The following CDC23 variants were observed in gnomAD, a reference collection of about 807,000 sequenced individuals.
CDC23 encodes the protein cell division cycle 23.
Under a neutral mutation model 81.7 loss-of-function variants are expected in CDC23, and 26 were observed. The ratio of observed to expected loss-of-function variants is 0.32; its 90% confidence interval spans 0.23 to 0.44. The LOEUF (loss-of-function observed/expected upper bound fraction) is 0.44, where lower values mean the gene tolerates loss of function less well. Ranked by LOEUF, CDC23 falls within the 20% of genes least tolerant of loss-of-function variation. CDC23 has a pLI of 1.00. For synonymous variants in CDC23, 267 were observed against 270.8 expected (o/e 0.99, Z 0.14); for missense variants, 519 against 728.0 (o/e 0.71, Z 3.30).
rs775772524 is a variant in CDC23 at position 138,192,322 on chromosome 5, G to A, written c.1233C>T (p.Ile411=). The A allele has an allele frequency of 1.6e-5, 26 of 1,614,072 alleles. No individual in the cohort carries two copies. Among genetic ancestry groups the A allele is most frequent in the Non-Finnish European group, 2.2e-5 (26 of 1,180,044 alleles). ...AAAGGCAGTAAAATGGCATCTTAAG[G>A]ATTTCATAGGTCTGCCCGAGGCCAT... ...AWYGLGQTYE[I]LKMPFYCLYY... The change falls in exon 11 of 16, where the codon ATC becomes ATT. Residue 411 remains isoleucine (I), a synonymous_variant. Coordinates refer to ENST00000394886, the MANE Select transcript of CDC23 (RefSeq NM_004661.4).
intron 2 of CDC23, among the ~76,000 whole-genome samples, 161 bp downstream of exon 2, chr5:138,212,830 T>G (rs1755129471): frequency 6.6e-6 from 1 of 152,184 alleles, no homozygotes; most frequent in Non-Finnish European, 1.5e-5. Context: ...GAAAACTAAA[T>G]GGATAAAATC....
At chr5:138,199,406 T>C (rs964899530) in intron 6 of CDC23, among the ~76,000 whole-genome samples, 1 of 152,072 alleles carries the variant, frequency 6.6e-6, no homozygotes, top group East Asian at 1.9e-4. Flanking sequence ...ACACCAGCCC[T>C]GACAAGAGAG....
intron 3 of CDC23, 148 bp from the exon 4 acceptor site, chr5:138,202,303 C>A: frequency 1.6e-6 from 1 of 613,478 alleles, no homozygotes. Flanking sequence ...TTATTTGAGA[C>A]AGTCTCACTT....
intron 2 of CDC23, among the ~76,000 whole-genome samples, chr5:138,212,713 G>C (rs1188937980): frequency 2.0e-5 from 3 of 152,116 alleles, no homozygotes; most frequent in African/African-American, 7.2e-5. Context: ...GCACTCTTAT[G>C]TCTAGGTTTG....
chr5:138,208,489 T>C (rs920789489), intron 2 of CDC23, among the ~76,000 whole-genome samples: 1 of 152,138 alleles, frequency 6.6e-6, no homozygotes, highest in Non-Finnish European at 1.5e-5. Flanking sequence ...GCATTATGCC[T>C]TTTTGAGTAA....
rs779153774 is a variant in CDC23, at chr5:138,198,204, A to G, written c.1007T>C (p.Val336Ala). The G allele has an allele frequency of 6.2e-7, 1 of 1,607,800 alleles. No individual in the cohort carries two copies. The highest frequency in any genetic ancestry group is 8.5e-7 in the Non-Finnish European group (1 of 1,174,752). The change falls in exon 9 of 16, where the codon GTA (valine) becomes GCA (alanine). Residue 336 changes from valine (V) to alanine (A), a missense_variant. By Grantham distance (64) the Val-to-Ala change is moderately conservative. Coordinates refer to ENST00000394886, the MANE Select transcript of CDC23 (RefSeq NM_004661.4). ...IDKYRVETCC[V>A]IGNYYSLRSQ... ...AAAATGTAGTTAATTCTTACCAATT[A>G]CACAGCACGTTTCTACACGATATTT...
chr5:138,196,694 C>T (rs1191858337), intron 9 of CDC23, among the ~76,000 whole-genome samples: 1 of 151,818 alleles, frequency 6.6e-6, no homozygotes, highest in Admixed American at 6.6e-5. Flanking sequence ...CATTCTCCTG[C>T]CTCAGCCTCC....
At chr5:138,202,642 G>A (rs1755002070) in intron 3 of CDC23, among the ~76,000 whole-genome samples, 1 of 152,144 alleles carries the variant, frequency 6.6e-6, no homozygotes, top group African/African-American at 2.4e-5. Context: ...AGTTATCTGA[G>A]CACCAAAATA....
At chr5:138,209,547 G>A (rs1258269126) in intron 2 of CDC23, among the ~76,000 whole-genome samples, 2 of 151,330 alleles carry the variant, frequency 1.3e-5, no homozygotes, top group African/African-American at 4.9e-5. Context: ...TAAGCAAGCC[G>A]GGTGTGGTGG....
At chr5:138,211,586 C>A (rs2126591635) in intron 2 of CDC23, among the ~76,000 whole-genome samples, 2 of 152,044 alleles carry the variant, frequency 1.3e-5, no homozygotes. Context: ...TTGCTTGAAC[C>A]CGGGAGGCAG....
At chr5:138,199,442 AAGAG>A (rs1452479300) in intron 6 of CDC23, among the ~76,000 whole-genome samples, 1 of 152,204 alleles carries the variant, frequency 6.6e-6, no homozygotes, top group African/African-American at 2.4e-5. Flanking sequence ...ACAAACAAAA[AAGAG>A]AAAGAAATAG....
intron 3 of CDC23, among the ~76,000 whole-genome samples, chr5:138,205,680 T>G (rs1391650832): frequency 6.8e-6 from 1 of 146,528 alleles, no homozygotes; most frequent in African/African-American, 2.5e-5. Context: ...TTTAAAAATG[T>G]TAAAATGGTA....
At chr5:138,197,268 C>T (rs1227953595) in intron 9 of CDC23, among the ~76,000 whole-genome samples, 3 of 137,342 alleles carry the variant, frequency 2.2e-5, no homozygotes, top group Admixed American at 1.5e-4. Flanking sequence ...GGCGCCACTG[C>T]ACTCCAGCCT....
At chr5:138,195,425 C>T (rs959079851) in intron 9 of CDC23, among the ~76,000 whole-genome samples, 1 of 146,282 alleles carries the variant, frequency 6.8e-6, no homozygotes, top group Admixed American at 7.3e-5. Flanking sequence ...GTATCTAAAC[C>T]AGAATTTAAA....
chr5:138,195,768 A>T (rs1253187175), intron 9 of CDC23, among the ~76,000 whole-genome samples: 2 of 118,896 alleles, frequency 1.7e-5, no homozygotes, highest in Non-Finnish European at 3.3e-5. Flanking sequence ...CATATATTAT[A>T]TATGTGTATA....
rs757264804 is a variant in CDC23, at chr5:138,198,441, G to A, written c.915C>T (p.Asn305=). Residue 305 remains asparagine, a synonymous_variant, in exon 8 of 16, where the codon AAC becomes AAT. Coordinates refer to ENST00000394886, the MANE Select transcript of CDC23 (RefSeq NM_004661.4). The part of the protein sequence containing the change: ...YRIENMDTFS[N]LLYVRSMKSE... ...AGCAGCTCACCCTGACATAAAGAAG[G>A]TTGGAGAATGTGTCCATATTTTCAA... 1 of 1,613,960 alleles carries A rather than the reference G, an allele frequency of 6.2e-7. No homozygotes were observed. The highest frequency in any genetic ancestry group is 8.5e-7 in the Non-Finnish European group (1 of 1,179,886).
At chr5:138,192,951 A>G (rs1754842852) in intron 9 of CDC23, among the ~76,000 whole-genome samples, 1 of 152,142 alleles carries the variant, frequency 6.6e-6, no homozygotes, top group Non-Finnish European at 1.5e-5. Context: ...TTTTTCTGAG[A>G]CAAAGTCTTG....
At chr5:138,197,295 C>A (rs1754924429) in intron 9 of CDC23, among the ~76,000 whole-genome samples, 1 of 118,098 alleles carries the variant, frequency 8.5e-6, no homozygotes, top group South Asian at 3.1e-4. Context: ...CAGAGCGAGA[C>A]TCTGTCACCA....
At chr5:138,202,885 AT>A (rs1755004546) in intron 3 of CDC23, among the ~76,000 whole-genome samples, 1 of 152,202 alleles carries the variant, frequency 6.6e-6, no homozygotes, top group Admixed American at 6.5e-5. Flanking sequence ...TTAGAGAAAA[AT>A]TTGTATGAGG....
Sources: allele counts gnomAD v4.1 joint callset (sites outside exome capture counted in the v4.1 genomes callset), GRCh38; gene constraint gnomAD v4.1.1; transcripts MANE v1.5; gene names NCBI Gene and HGNC (gene_info 2026-07-23, HGNC 2026-07-21).